ZNF541: variants seen among roughly 807,000 people sequenced by gnomAD.
ZNF541 encodes the protein zinc finger protein 541.
In ZNF541, 23 loss-of-function variants were observed where a neutral mutation model predicts 123.5. That is an observed-to-expected ratio of 0.19 (90% CI 0.13 to 0.26). The LOEUF (loss-of-function observed/expected upper bound fraction) is 0.26. ZNF541 is among the 10% of genes least tolerant of loss of function. ZNF541 has a pLI of 1.00. For missense variants in ZNF541, 1,612 were observed against 1,789.9 expected, an observed-to-expected ratio of 0.90 and a Z score of 1.79; for synonymous variants, 751 against 754.5, an observed-to-expected ratio of 1.00 and a Z score of 0.08.
At chr19:47,529,427 G>A in intron 13 of ZNF541, 150 bp downstream of exon 13, 1 of 740,348 alleles carries the variant, frequency 1.4e-6, no homozygotes, top group Non-Finnish European at 2.2e-6. Flanking sequence ...GGCGCCCACT[G>A]AGTCATCCCG....
Position 47,555,596 on chromosome 19 carries a change from C to T in ZNF541, c.261G>A (p.Lys87=), listed in dbSNP as rs185529379. The change falls in exon 3 of 17, where the codon AAG becomes AAA. Residue 87 remains lysine (K), a synonymous_variant. Transcript: ENST00000391901. ...CCGAATCTGCGTACTCCTCCAGCAG[C>T]TTCACAGAATCACTGTCCTTCCCGG... The part of the protein sequence containing the change: ...LYSGKDSDSV[K]LLEEYADSES... 2.0e-5 allele frequency: 31 copies of T among 1,551,182 alleles called. No homozygotes were observed. Among genetic ancestry groups the T allele is most frequent in the Non-Finnish European group, 2.5e-5 (29 of 1,146,602 alleles).
At chr19:47,550,996 G>T (rs1970574890) in intron 3 of ZNF541, among the ~76,000 whole-genome samples, 1 of 151,552 alleles carries the variant, frequency 6.6e-6, no homozygotes, top group African/African-American at 2.4e-5. Flanking sequence ...AATAATAAAA[G>T]ATTTTTCTAC....
chr19:47,527,335 C>G (rs1005690725), intron 14 of ZNF541, among the ~76,000 whole-genome samples: 4 of 152,062 alleles, frequency 2.6e-5, no homozygotes, highest in African/African-American at 7.2e-5. Flanking sequence ...TTGTATACAT[C>G]CAATTTTTTT....
intron 2 of ZNF541, among the ~76,000 whole-genome samples, chr19:47,556,311 C>G (rs1423394823): frequency 3.3e-5 from 5 of 152,126 alleles, no homozygotes; most frequent in African/African-American, 9.7e-5. Context: ...CCAGCAGCAA[C>G]AAGAAAACTC....
In ZNF541 at chr19:47,549,480, C is replaced by A; in HGVS notation, c.313G>T (p.Gly105Trp). 6.4e-7 allele frequency: 1 copy of A among 1,551,788 alleles called. No individual in the cohort carries two copies. The highest frequency in any genetic ancestry group is 8.7e-7 in the Non-Finnish European group (1 of 1,147,030). Residue 105 changes from glycine (G) to tryptophan (W), a missense_variant, in exon 4 of 17, where the codon GGG (glycine) becomes TGG (tryptophan). By Grantham distance (184) the Gly-to-Trp change is radical (BLOSUM62 -2). Coordinates refer to ENST00000391901, the MANE Select transcript of ZNF541 (RefSeq NM_001277075.3). ...TCTTTAGCCTTAAGCACACCTAGCCCCAGGTCTAAACAGAGGGAGAAAGCA... is the reference window on the plus strand; with the variant it reads ...TCTTTAGCCTTAAGCACACCTAGCCACAGGTCTAAACAGAGGGAGAAAGCA... ...SESQASLQDL[G>W]LGVLKAKEAD... is the part of the protein sequence containing the mutation.
rs1295204116 is a variant in ZNF541 at position 47,544,381 on chromosome 19, C to T, written c.2148G>A (p.Lys716=). ...EEPPGASLPG[K]QAPAENGAAS... ...CCGCGCCATTCTCGGCTGGGGCCTG[C>T]TTCCCTGGCAGCGAGGCTCCTGGTG... The change falls in exon 5 of 17, where the codon AAG becomes AAA. Residue 716 remains lysine (K), a synonymous_variant. Coordinates refer to ENST00000391901, the MANE Select transcript of ZNF541 (RefSeq NM_001277075.3). 1.3e-6 allele frequency: 2 copies of T among 1,551,532 alleles called. No individual in the cohort carries two copies. The highest frequency in any genetic ancestry group is 1.7e-6 in the Non-Finnish European group (2 of 1,147,024).
Position 47,545,555 on chromosome 19 carries a change from G to A in ZNF541, c.974C>T (p.Ala325Val). Reference protein sequence around the residue: ...SSSCTPAGPHAAPAALDTELP... With the variant: ...SSSCTPAGPHVAPAALDTELP... ...CTCGGTGTCCAGCGCTGCTGGGGCC[G>A]CGTGGGGGCCGGCTGGGGTGCAGGA... Residue 325 changes from alanine (A) to valine (V), a missense_variant, in exon 5 of 17, where the codon GCG (alanine) becomes GTG (valine). By Grantham distance (64) the Ala-to-Val change is moderately conservative. This residue lies in a region of ZNF541 where 1,080 missense variants were observed against 1,013.8 expected (regional missense o/e 1.07). Coordinates refer to ENST00000391901, the MANE Select transcript of ZNF541 (RefSeq NM_001277075.3). The surrounding 1 kb of genome is among the most constrained non-coding windows in gnomAD (Gnocchi z 7.5). 3 of 1,537,484 alleles carry A rather than the reference G, an allele frequency of 2.0e-6. No individual in the cohort carries two copies. Among genetic ancestry groups the A allele is most frequent in the Non-Finnish European group, 2.6e-6 (3 of 1,138,806 alleles).
At chr19:47,534,634 G>C (rs752973205) in intron 9 of ZNF541, among the ~76,000 whole-genome samples, 14 of 151,690 alleles carry the variant, frequency 9.2e-5, no homozygotes, top group South Asian at 8.3e-4. Flanking sequence ...GACACAGCAA[G>C]ACTCTGTCTC....
chr19:47,566,614 C>G (rs1415329096), intron 2 of ZNF541, among the ~76,000 whole-genome samples: 1 of 151,894 alleles, frequency 6.6e-6, no homozygotes, highest in Non-Finnish European at 1.5e-5. Context: ...GGCATAGTGG[C>G]ACTCACCTGT....
chr19:47,540,227 CAT>C lies in ZNF541; in HGVS notation c.2569_2570del (p.Met857ValfsTer39). On this transcript the variant is annotated frameshift_variant, in exon 7 of 17. Coordinates refer to ENST00000391901, the MANE Select transcript of ZNF541 (RefSeq NM_001277075.3). LOFTEE classifies it high-confidence loss of function. ...ACGGCCACTGGTCGCTGTGAAAACACATGTGGCTGCTCAGCCCTTTCTCCGTA... is the reference window on the plus strand; with the variant it reads ...ACGGCCACTGGTCGCTGTGAAAACACGTGGCTGCTCAGCCCTTTCTCCGTA... ...FYTEKGLSSHMCFHSDQWPSP... is the reference protein window; with the variant it reads ...FYTEKGLSSHXCFHSDQWPSP... 2 of 1,551,724 alleles carry C rather than the reference CAT, an allele frequency of 1.3e-6. No individual in the cohort carries two copies. The highest frequency in any genetic ancestry group is 1.7e-6 in the Non-Finnish European group (2 of 1,147,018).
intron 3 of ZNF541, among the ~76,000 whole-genome samples, chr19:47,554,973 A>T (rs550489587): frequency 6.6e-6 from 1 of 151,914 alleles, no homozygotes; most frequent in South Asian, 2.1e-4. Context: ...AGGCGCCTGT[A>T]ATCCCAGCTA....
chr19:47,535,452 G>C (rs1340337111), intron 9 of ZNF541, among the ~76,000 whole-genome samples: 1 of 152,216 alleles, frequency 6.6e-6, no homozygotes. Flanking sequence ...ACAATAACAA[G>C]TGTTGACAAG....
chr19:47,531,247 G>T (rs989138119), intron 12 of ZNF541, among the ~76,000 whole-genome samples: 8 of 102,560 alleles, frequency 7.8e-5, no homozygotes, highest in East Asian at 2.9e-4. Context: ...GGGGGGGGGG[G>T]GGTCCTTGGA....
chr19:47,525,821 C>T (rs1352904405), intron 14 of ZNF541, among the ~76,000 whole-genome samples: 3 of 147,546 alleles, frequency 2.0e-5, no homozygotes, highest in Admixed American at 7.1e-5. Context: ...GAGGCTGAGG[C>T]AGGAGAATGG....
At chr19:47,550,620 T>C (rs1970558916) in intron 3 of ZNF541, among the ~76,000 whole-genome samples, 1 of 152,218 alleles carries the variant, frequency 6.6e-6, no homozygotes, top group African/African-American at 2.4e-5. Context: ...ATATTCAGTT[T>C]GGAGAGGTCA....
At chr19:47,572,593 A>G (rs1971513235) in intron 1 of ZNF541, among the ~76,000 whole-genome samples, 1 of 151,860 alleles carries the variant, frequency 6.6e-6, no homozygotes, top group Admixed American at 6.6e-5. Flanking sequence ...GAAGATCCTA[A>G]AAAGGGATAA....
chr19:47,532,409 G>A, intron 10 of ZNF541, 139 bp from the exon 11 acceptor site: 3 of 928,836 alleles, frequency 3.2e-6, no homozygotes, highest in Non-Finnish European at 4.8e-6. Context: ...GGTGCATCAG[G>A]TACGTGCTGT....
chr19:47,521,152 C>T lies in ZNF541; in HGVS notation c.*72G>A, dbSNP rs1269795185. ...GGTGGGGGGAGGCAGAGGGGTGCCC[C>T]AAACGCCCTGGAGAGGCCGAAGGGA... On this transcript the variant is annotated 3_prime_UTR_variant, in exon 17 of 17. Coordinates refer to ENST00000391901, the MANE Select transcript of ZNF541 (RefSeq NM_001277075.3). The surrounding 1 kb of genome is among the most constrained non-coding windows in gnomAD (Gnocchi z 4.2). The T allele has an allele frequency of 1.3e-6, 2 of 1,499,842 alleles. No individual in the cohort carries two copies. The highest frequency in any genetic ancestry group is 1.3e-5 in the South Asian group (1 of 78,006). 92.9% of individuals were successfully genotyped at this position (1,499,842 alleles called of 1,614,324 possible). A position where few individuals can be genotyped will look rare whatever the true frequency, so the allele number is the denominator to read the frequency against.
At chr19:47,566,204 G>T (rs954037080) in intron 2 of ZNF541, among the ~76,000 whole-genome samples, 2 of 151,632 alleles carry the variant, frequency 1.3e-5, no homozygotes, top group African/African-American at 4.8e-5. Context: ...AATTTAAAGG[G>T]GCCATCATTC....
Sources: allele counts gnomAD v4.1 joint callset (sites outside exome capture counted in the v4.1 genomes callset), GRCh38; gene constraint gnomAD v4.1.1; regional missense constraint gnomAD v4.1.1; non-coding constraint Gnocchi (gnomAD v3.1); transcripts MANE v1.5; gene names NCBI Gene and HGNC (gene_info 2026-07-23, HGNC 2026-07-21).